The following ERBB4 variants were observed in gnomAD, a reference collection of about 807,000 sequenced individuals.
ERBB4 encodes receptor tyrosine-protein kinase erbB-4.
In ERBB4, 42 loss-of-function variants were observed where a neutral mutation model predicts 158.0. The observed-to-expected ratio is 0.27, with a 90% CI of 0.21 to 0.34. The LOEUF is 0.34. Ranked by LOEUF, ERBB4 falls within the 10% of genes least tolerant of loss-of-function variation. The probability of loss-of-function intolerance (pLI) is 1.00; values close to 1 mark genes in which losing one functional copy is unlikely to be tolerated. For synonymous variants in ERBB4, 583 were observed against 558.7 expected (o/e 1.04, Z -0.61); for missense variants, 1,333 against 1,624.1 (o/e 0.82, Z 3.08).
At chr2:211,683,616 C>G (rs140884661) in intron 12 of ERBB4, among the ~76,000 whole-genome samples, 289 of 152,024 alleles carry the variant, frequency 1.9e-3, no homozygotes, top group African/African-American at 6.2e-3. Context: ...CAGTTTGGAG[C>G]TACTACAATT....
intron 16 of ERBB4, among the ~76,000 whole-genome samples, chr2:211,642,227 C>T (rs79303998): frequency 0.056 from 8,517 of 152,038 alleles, 755 homozygotes; most frequent in African/African-American, 0.19. Flanking sequence ...TTCACTAAAT[C>T]GGTTCTTATC....
chr2:212,380,707 G>T (rs900895088), intron 1 of ERBB4, among the ~76,000 whole-genome samples: 2 of 150,628 alleles, frequency 1.3e-5, no homozygotes, highest in African/African-American at 4.9e-5. Flanking sequence ...TAGGCTCTTT[G>T]AAAATGTATC....
chr2:211,967,794 T>C lies in ERBB4; in HGVS notation c.235-20178A>G, dbSNP rs577915422. ...CATTGAATTATAACATATAATCTTA[T>C]TAATTTATTCATTAGTTAAAATTCT... On this transcript the variant is annotated intron_variant, in intron 2 of 27. Coordinates refer to ENST00000342788, the MANE Select transcript of ERBB4 (RefSeq NM_005235.3). Among the ~76,000 whole-genome samples the C allele has an allele frequency of 2.7e-4, 41 of 152,154 alleles. 1 individual carries two copies. In the South Asian group the frequency reaches 3.7e-3, roughly 14 times the overall value.
chr2:211,906,061 G>A (rs1309212015), intron 3 of ERBB4, among the ~76,000 whole-genome samples: 1 of 151,984 alleles, frequency 6.6e-6, no homozygotes, highest in Non-Finnish European at 1.5e-5. Flanking sequence ...TCAACCCAGA[G>A]AGAGATACAT....
intron 20 of ERBB4, among the ~76,000 whole-genome samples, chr2:211,543,840 A>T (rs1351697063): frequency 6.6e-6 from 1 of 151,464 alleles, no homozygotes; most frequent in Non-Finnish European, 1.5e-5. Context: ...GGGAAATGCA[A>T]GTTAAAAAAA....
At chr2:211,530,615 C>A (rs532931334) in intron 20 of ERBB4, among the ~76,000 whole-genome samples, 130 of 152,202 alleles carry the variant, frequency 8.5e-4, no homozygotes, top group Non-Finnish European at 1.2e-3. Flanking sequence ...CAAGGCCAGG[C>A]AGAGTCGTTC....
At chr2:212,232,369 T>C (rs1249328054) in intron 1 of ERBB4, among the ~76,000 whole-genome samples, 12 of 152,154 alleles carry the variant, frequency 7.9e-5, no homozygotes, top group Non-Finnish European at 1.6e-4. Context: ...CTTAAGTAGA[T>C]ATAAGAGTTT....
At chr2:212,058,262 G>C (rs1214146410) in intron 2 of ERBB4, among the ~76,000 whole-genome samples, 1 of 152,144 alleles carries the variant, frequency 6.6e-6, no homozygotes, top group East Asian at 1.9e-4. Context: ...TCTCTGAATA[G>C]ACCCATAACA....
intron 7 of ERBB4, among the ~76,000 whole-genome samples, chr2:211,716,138 G>A (rs969917913): frequency 2.0e-5 from 3 of 151,830 alleles, no homozygotes; most frequent in Non-Finnish European, 2.9e-5. Context: ...CGAGGCGGGT[G>A]GATCACCTGA....
chr2:211,618,076 T>A (rs1212322098), intron 19 of ERBB4, among the ~76,000 whole-genome samples: 2 of 152,046 alleles, frequency 1.3e-5, no homozygotes, highest in Non-Finnish European at 2.9e-5. Context: ...AGTACTTTTT[T>A]ACTCATAGTT....
intron 3 of ERBB4, among the ~76,000 whole-genome samples, chr2:211,796,275 C>T (rs1010219076): frequency 6.6e-6 from 1 of 151,786 alleles, no homozygotes; most frequent in Admixed American, 6.6e-5. Flanking sequence ...GTGTCTGGCT[C>T]CTTTTGCTCG....
chr2:211,956,666 G>A (rs2125163521), intron 2 of ERBB4, among the ~76,000 whole-genome samples: 1 of 151,960 alleles, frequency 6.6e-6, no homozygotes, highest in Admixed American at 6.6e-5. Flanking sequence ...CAAAATATTT[G>A]TAAATATTTT....
intron 1 of ERBB4, among the ~76,000 whole-genome samples, chr2:212,304,160 G>T (rs895331093): frequency 2.6e-5 from 4 of 151,596 alleles, no homozygotes; most frequent in African/African-American, 9.6e-5. Flanking sequence ...GGGATGTTTA[G>T]AAATTCAAGA....
chr2:212,344,226 T>C (rs73074237), intron 1 of ERBB4, among the ~76,000 whole-genome samples: 2 of 152,262 alleles, frequency 1.3e-5, no homozygotes, highest in South Asian at 2.1e-4. Context: ...TCTGAACTAA[T>C]GACATCATGG....
intron 1 of ERBB4, among the ~76,000 whole-genome samples, chr2:212,500,979 G>A (rs1690856555): frequency 7.9e-6 from 1 of 126,850 alleles, no homozygotes; most frequent in South Asian, 2.3e-4. Context: ...GAGAAAAGGG[G>A]GAAATTCATA....
At chr2:211,832,350 T>C (rs530425363) in intron 3 of ERBB4, among the ~76,000 whole-genome samples, 11 of 152,208 alleles carry the variant, frequency 7.2e-5, no homozygotes, top group African/African-American at 2.6e-4. Context: ...GTTTAGAGCA[T>C]AGCACTCTTC....
intron 2 of ERBB4, among the ~76,000 whole-genome samples, chr2:212,055,261 C>T (rs1337785008): frequency 6.6e-6 from 1 of 152,164 alleles, no homozygotes; most frequent in Non-Finnish European, 1.5e-5. Flanking sequence ...GGGGTGCCCG[C>T]CATTGCTGAG....
intron 1 of ERBB4, among the ~76,000 whole-genome samples, chr2:212,243,087 G>A (rs1056378608): frequency 2.6e-4 from 39 of 152,118 alleles, no homozygotes; most frequent in African/African-American, 9.4e-4. Context: ...ACATCAATCT[G>A]TTATGCCATT....
At chr2:211,949,594 T>A (rs2080817451) in intron 2 of ERBB4, among the ~76,000 whole-genome samples, 1 of 152,222 alleles carries the variant, frequency 6.6e-6, no homozygotes, top group African/African-American at 2.4e-5. Context: ...ATTTTATGGC[T>A]CTTATTATAA....
Sources: allele counts gnomAD v4.1 joint callset (sites outside exome capture counted in the v4.1 genomes callset), GRCh38; gene constraint gnomAD v4.1.1; transcripts MANE v1.5; gene names NCBI Gene and HGNC (gene_info 2026-07-23, HGNC 2026-07-21).